CSMD3: variants seen among roughly 807,000 people sequenced by gnomAD.
CSMD3 encodes the protein CUB and Sushi multiple domains 3, also known as CUB and sushi domain-containing protein 3.
CSMD3 carries 177 observed loss-of-function variants against 435.2 expected under a neutral mutation model. The ratio of observed to expected loss-of-function variants is 0.41; its 90% CI spans 0.36 to 0.46. The LOEUF (loss-of-function observed/expected upper bound fraction) is 0.46, where lower values mean the gene tolerates loss of function less well. CSMD3 is among the 20% of genes least tolerant of loss of function. CSMD3 has a pLI of 0.34. For missense variants in CSMD3, 4,265 were observed against 4,504.6 expected (o/e 0.95, Z 1.52); for synonymous variants, 1,656 against 1,520.5 (o/e 1.09, Z -2.07).
intron 24 of CSMD3, 74 bp from the exon 25 acceptor site, chr8:112,557,028 C>T (rs1358442262): frequency 1.1e-6 from 1 of 928,742 alleles, no homozygotes; most frequent in Admixed American, 1.9e-5. Flanking sequence ...TCATTCCTTT[C>T]CTTTACTATT....
chr8:112,967,024 C>CA, intron 7 of CSMD3, among the ~76,000 whole-genome samples: 1 of 152,016 alleles, frequency 6.6e-6, no homozygotes, highest in East Asian at 1.9e-4. Context: ...TCTTGCTACT[C>CA]AGTGTATGAG....
chr8:113,178,827 C>T (rs1223912689), intron 3 of CSMD3, among the ~76,000 whole-genome samples: 3 of 151,798 alleles, frequency 2.0e-5, no homozygotes, highest in African/African-American at 4.8e-5. Flanking sequence ...AACTAGATTG[C>T]GAAAAAATAT....
chr8:113,301,456 G>A (rs1295619259), intron 2 of CSMD3, among the ~76,000 whole-genome samples: 1 of 151,740 alleles, frequency 6.6e-6, no homozygotes, highest in African/African-American at 2.4e-5. Context: ...ATCTCACTCA[G>A]ATATAATTTG....
chr8:112,355,216 T>C (rs544641617), intron 38 of CSMD3, among the ~76,000 whole-genome samples: 2 of 152,330 alleles, frequency 1.3e-5, no homozygotes, highest in Admixed American at 6.5e-5. Flanking sequence ...GGATTAGATA[T>C]TTAAATGTAA....
intron 64 of CSMD3, 36 bp downstream of exon 64, chr8:112,246,984 C>A (rs1315124300): frequency 7.2e-7 from 1 of 1,390,644 alleles, no homozygotes; most frequent in Non-Finnish European, 1.0e-6. Flanking sequence ...TAAATTCTTA[C>A]CCATGATAGC....
rs766076588 is a variant in CSMD3, at chr8:112,829,738, A to C, written c.1807T>G (p.Leu603Val). Residue 603 changes from leucine to valine, a missense_variant, in exon 12 of 71, where the codon TTG becomes GTG. Leu to Val is a conservative substitution (Grantham distance 32). This residue lies in a region of CSMD3 where 731 missense variants were observed against 755.4 expected (regional missense o/e 0.97). Coordinates refer to ENST00000297405, the MANE Select transcript of CSMD3 (RefSeq NM_198123.2). ...EFDLEIGYDT[L>V]TIGDGGEVGD... Reference sequence around the variant, plus strand: ...ACTTCGCCCCCATCGCCAATTGTCAAGGTATCATAGCCAATCTCCAGATCA... The same window carrying C: ...ACTTCGCCCCCATCGCCAATTGTCACGGTATCATAGCCAATCTCCAGATCA... 1 of 1,613,570 alleles carries C rather than the reference A, an allele frequency of 6.2e-7. No individual in the cohort carries two copies. Among genetic ancestry groups the C allele is most frequent in the Non-Finnish European group, 8.5e-7 (1 of 1,179,596 alleles).
At chr8:113,176,894 C>T (rs1043424374) in intron 3 of CSMD3, among the ~76,000 whole-genome samples, 1 of 145,688 alleles carries the variant, frequency 6.9e-6, no homozygotes, top group Non-Finnish European at 1.5e-5. Context: ...TATACCCAAA[C>T]TTAAAAAAAA....
intron 6 of CSMD3, among the ~76,000 whole-genome samples, chr8:112,991,387 T>C (rs1261577565): frequency 6.6e-6 from 1 of 151,820 alleles, no homozygotes; most frequent in Non-Finnish European, 1.5e-5. Context: ...TTATGCTGTG[T>C]AGTCAACTAC....
intron 19 of CSMD3, among the ~76,000 whole-genome samples, chr8:112,648,848 C>T (rs1271679633): frequency 6.6e-6 from 1 of 152,162 alleles, no homozygotes; most frequent in Non-Finnish European, 1.5e-5. Context: ...CCACCATGGT[C>T]TGTCTCAACC....
intron 23 of CSMD3, among the ~76,000 whole-genome samples, chr8:112,586,644 T>C (rs1413200976): frequency 6.6e-6 from 1 of 150,908 alleles, no homozygotes; most frequent in Admixed American, 6.6e-5. Flanking sequence ...CAAAAATAAA[T>C]AAGTTACATT....
chr8:112,583,271 G>T (rs1830468715), intron 23 of CSMD3, among the ~76,000 whole-genome samples: 1 of 151,916 alleles, frequency 6.6e-6, no homozygotes, highest in South Asian at 2.1e-4. Flanking sequence ...AGAGAAAAAT[G>T]AGGAGAGAGG....
At chr8:113,013,270 T>C (rs994005861) in intron 6 of CSMD3, among the ~76,000 whole-genome samples, 2 of 152,106 alleles carry the variant, frequency 1.3e-5, no homozygotes, top group South Asian at 2.1e-4. Flanking sequence ...GTGAGAAATA[T>C]AAAGCCTAGT....
intron 22 of CSMD3, among the ~76,000 whole-genome samples, chr8:112,593,850 T>C (rs910458199): frequency 6.6e-6 from 1 of 152,186 alleles, no homozygotes; most frequent in East Asian, 1.9e-4. Context: ...AAAGGAACTA[T>C]AATATTGTCT....
At chr8:112,976,272 AAC>A in intron 6 of CSMD3, 124 bp from the exon 7 acceptor site, 1 of 1,097,816 alleles carries the variant, frequency 9.1e-7, no homozygotes, top group Non-Finnish European at 1.3e-6. Flanking sequence ...GAAGAGGCAA[AAC>A]ACAAACACGC....
Position 112,251,501 on chromosome 8 carries a change from A to C in CSMD3, c.10110+2752T>G, listed in dbSNP as rs985966606. Among the ~76,000 whole-genome samples the C allele has an allele frequency of 9.9e-5, 15 of 151,656 alleles. No homozygotes were observed. In the Admixed American group the frequency reaches 9.9e-4, roughly 10 times the overall value. ...AAACAAGAAGATTTTAATTGAAAGT[A>C]ATTTTTTTTTACTTTCAGAATTCAT... On this transcript the variant is annotated intron_variant, in intron 63 of 70. Transcript: ENST00000297405.
At chr8:112,865,059 G>A (rs1474083498) in intron 10 of CSMD3, among the ~76,000 whole-genome samples, 1 of 152,170 alleles carries the variant, frequency 6.6e-6, no homozygotes, top group African/African-American at 2.4e-5. Flanking sequence ...AAGTACAGAA[G>A]CAGAAGCCAA....
intron 3 of CSMD3, among the ~76,000 whole-genome samples, chr8:113,266,935 G>A (rs910030916): frequency 2.0e-5 from 3 of 151,476 alleles, no homozygotes; most frequent in Non-Finnish European, 4.4e-5. Context: ...GAAAACATGG[G>A]CAAAGGACAC....
intron 38 of CSMD3, among the ~76,000 whole-genome samples, chr8:112,378,155 T>G (rs150223184): frequency 1.7e-3 from 236 of 137,668 alleles, no homozygotes; most frequent in African/African-American, 5.4e-3. Flanking sequence ...AAGTGGATAT[T>G]ATCAAACACA....
At chr8:112,347,750 A>T (rs1294650198) in intron 40 of CSMD3, among the ~76,000 whole-genome samples, 1 of 152,226 alleles carries the variant, frequency 6.6e-6, no homozygotes, top group Non-Finnish European at 1.5e-5. Context: ...AATTGTTCAC[A>T]CATATTCATC....
Sources: allele counts gnomAD v4.1 joint callset (sites outside exome capture counted in the v4.1 genomes callset), GRCh38; gene constraint gnomAD v4.1.1; regional missense constraint gnomAD v4.1.1; transcripts MANE v1.5; gene names NCBI Gene and HGNC (gene_info 2026-07-23, HGNC 2026-07-21).